Variants in CNOT2 observed in about 807,000 individuals in gnomAD.
CNOT2 encodes the protein CC chemokine receptor 4-negative regulator of transcription 2.
CNOT2 carries 7 observed loss-of-function variants against 72.1 expected under a neutral mutation model. The observed-to-expected ratio is 0.10, with a 90% CI of 0.06 to 0.18. The LOEUF is 0.18. CNOT2 is among the 10% of genes least tolerant of loss of function. The probability of loss-of-function intolerance (pLI) is 1.00; values close to 1 mark genes in which losing one functional copy is unlikely to be tolerated. For synonymous variants in CNOT2, 196 were observed against 225.6 expected (o/e 0.87, Z 1.17); for missense variants, 345 against 660.3 (o/e 0.52, Z 5.23).
intron 1 of CNOT2, among the ~76,000 whole-genome samples, chr12:70,256,946 T>C (rs895613592): frequency 6.6e-5 from 10 of 152,190 alleles, no homozygotes; most frequent in African/African-American, 2.4e-4. Flanking sequence ...ACCATAAGCA[T>C]TTTCCAGTGT....
intron 2 of CNOT2, among the ~76,000 whole-genome samples, chr12:70,304,067 GAC>G: frequency 6.6e-6 from 1 of 152,170 alleles, no homozygotes; most frequent in South Asian, 2.1e-4. Flanking sequence ...GTCCTTTAAG[GAC>G]TTCTCTGCAT....
At position 70,265,561 on chromosome 12, in the gene CNOT2, A is replaced by G. The variant is rs572097120; in HGVS notation, c.-95-12571A>G. Among the ~76,000 whole-genome samples the G allele has an allele frequency of 2.0e-5, 3 of 151,958 alleles. No homozygotes were observed. The South Asian group carries it at 6.2e-4, about 32-fold the overall frequency. ...CTTTGTCAGTCTGCCTTAGAGGTAC[A>G]TCAGTTTTGGTGATTTTCCTTTTAA... On this transcript the variant is annotated intron_variant, in intron 1 of 15. Coordinates refer to ENST00000229195, the MANE Select transcript of CNOT2 (RefSeq NM_014515.7).
At position 70,344,236 on chromosome 12, in the gene CNOT2, C is replaced by G; in HGVS notation, c.1391+8C>G. 6.5e-7 allele frequency: 1 copy of G among 1,546,514 alleles called. No individual in the cohort carries two copies. Among genetic ancestry groups the G allele is most frequent in the Non-Finnish European group, 8.9e-7 (1 of 1,119,312 alleles). On this transcript the variant is annotated splice_region_variant and intron_variant, in intron 14 of 15. Transcript: ENST00000229195. ...TTTAGCTGCAGTGGAGCTGTATGTT[C>G]AAAGTATTTTAATCACTTTTGTATT...
intron 1 of CNOT2, among the ~76,000 whole-genome samples, chr12:70,263,810 T>C (rs1039189582): frequency 2.6e-5 from 4 of 152,324 alleles, no homozygotes; most frequent in Non-Finnish European, 4.4e-5. Flanking sequence ...CATCTCTGGA[T>C]ACTGATCTTT....
At chr12:70,248,091 A>G (rs1408682383) in intron 1 of CNOT2, among the ~76,000 whole-genome samples, 2 of 152,152 alleles carry the variant, frequency 1.3e-5, no homozygotes. Flanking sequence ...TTCTCGCTGT[A>G]TTTTGTATGG....
rs377271719 is a variant in CNOT2, at chr12:70,342,280, C to T, written c.1263C>T (p.Tyr421=). The T allele has an allele frequency of 5.0e-6, 8 of 1,613,562 alleles. No homozygotes were observed. The highest frequency in any genetic ancestry group is 1.3e-5 in the African/African-American group (1 of 74,870). ...CAGACTTCCATGTTCCATCTGAGTA[C>T]TTAACGAACATTCACATTAGGGATA... ...QDIDFHVPSE[Y]LTNIHIRDKL... is the part of the protein sequence containing the mutation. The change falls in exon 13 of 16, where the codon TAC becomes TAT. Residue 421 remains tyrosine, a synonymous_variant. Transcript: ENST00000229195.
intron 4 of CNOT2, among the ~76,000 whole-genome samples, chr12:70,325,384 G>A (rs1878931716): frequency 1.3e-5 from 2 of 151,760 alleles, no homozygotes; most frequent in African/African-American, 2.4e-5. Context: ...CTGGAGAGGA[G>A]ACCTAGACAT....
rs1869182767 is a variant in CNOT2, at chr12:70,278,175, G to A, written c.-52G>A. 7.2e-7 allele frequency: 1 copy of A among 1,398,376 alleles called. No individual in the cohort carries two copies. Among genetic ancestry groups the A allele is most frequent in the Middle Eastern group, 1.8e-4 (1 of 5,606 alleles). The allele number at this position is 1,398,376 out of a possible 1,614,324, so 86.6% of individuals were successfully genotyped here. A position where few individuals can be genotyped will look rare whatever the true frequency, so the allele number is the denominator to read the frequency against. ...GTCCTTCCTGTGACACGACCCTTGA[G>A]TGACAGTTCTATTTGATTGCCTCCG... is the stretch of plus-strand genomic sequence containing the variant. On this transcript the variant is annotated 5_prime_UTR_variant, in exon 2 of 16. The change creates a new upstream start codon in the 5' untranslated region. Coordinates refer to ENST00000229195, the MANE Select transcript of CNOT2 (RefSeq NM_014515.7).
chr12:70,250,472 G>T (rs1158180612), intron 1 of CNOT2, among the ~76,000 whole-genome samples: 1 of 151,944 alleles, frequency 6.6e-6, no homozygotes, highest in Non-Finnish European at 1.5e-5. Context: ...ATTGTTATTG[G>T]ATATATGACG....
At chr12:70,318,375 T>A (rs1877710146) in intron 3 of CNOT2, among the ~76,000 whole-genome samples, 1 of 151,946 alleles carries the variant, frequency 6.6e-6, no homozygotes. Context: ...AATCTTTATT[T>A]TTTTTAACAA....
chr12:70,310,828 TAGGAGTAAGGTAACACTGAAC>T (rs1490839941), intron 2 of CNOT2, 46 bp from the exon 3 acceptor site: 39 of 1,389,152 alleles, frequency 2.8e-5, no homozygotes, highest in Non-Finnish European at 3.7e-5. Flanking sequence ...GTTTTCCACA[TAGGAGTAAGGTAACACTGAAC>T]ATTTTCCAAA....
intron 12 of CNOT2, 30 bp downstream of exon 12, chr12:70,342,198 T>C: frequency 1.2e-6 from 2 of 1,612,776 alleles, no homozygotes; most frequent in Non-Finnish European, 1.7e-6. Flanking sequence ...TTTAGACCTT[T>C]TAAAAAGAAA....
intron 11 of CNOT2, among the ~76,000 whole-genome samples, chr12:70,340,344 C>T (rs1881324201): frequency 1.3e-5 from 2 of 152,162 alleles, no homozygotes; most frequent in South Asian, 4.1e-4. Flanking sequence ...GGTACCTCCT[C>T]CTTTTCTTCT....
intron 1 of CNOT2, chr12:70,244,207 T>C (rs1213910801): frequency 2.6e-5 from 4 of 152,154 alleles, no homozygotes; most frequent in Non-Finnish European, 4.4e-5. Flanking sequence ...TTCCGTAGTG[T>C]CGTAGACTGA....
chr12:70,276,478 CA>C (rs1226946964), intron 1 of CNOT2, among the ~76,000 whole-genome samples: 2 of 151,922 alleles, frequency 1.3e-5, no homozygotes, highest in African/African-American at 4.8e-5. Flanking sequence ...TACTACTTTA[CA>C]ATTTAATATT....
At chr12:70,287,178 A>G (rs1871050575) in intron 2 of CNOT2, among the ~76,000 whole-genome samples, 1 of 149,748 alleles carries the variant, frequency 6.7e-6, no homozygotes, top group South Asian at 2.1e-4. Context: ...ATACTTTATC[A>G]GGGTAAAGAA....
intron 9 of CNOT2, chr12:70,337,789 T>C (rs1880900643): frequency 2.0e-6 from 1 of 491,464 alleles, no homozygotes; most frequent in Non-Finnish European, 4.0e-6. Flanking sequence ...AGTTTGATAA[T>C]ATAGCCTTCT....
chr12:70,309,059 A>AT (rs1045802377), intron 2 of CNOT2, among the ~76,000 whole-genome samples: 1 of 152,128 alleles, frequency 6.6e-6, no homozygotes. Flanking sequence ...CTCTAAAGTG[A>AT]TTTTTTGCCA....
chr12:70,313,543 C>A (rs1005993650), intron 3 of CNOT2, among the ~76,000 whole-genome samples: 1 of 151,926 alleles, frequency 6.6e-6, no homozygotes, highest in African/African-American at 2.4e-5. Context: ...TTGTAGGGTT[C>A]CAAATACTTT....
Sources: allele counts gnomAD v4.1 joint callset (sites outside exome capture counted in the v4.1 genomes callset), GRCh38; gene constraint gnomAD v4.1.1; transcripts MANE v1.5; gene names NCBI Gene and HGNC (gene_info 2026-07-23, HGNC 2026-07-21).